NCAM2: variants seen among roughly 807,000 people sequenced by gnomAD.
NCAM2 encodes the protein N-CAM-2.
In NCAM2, 30 loss-of-function variants were observed where a neutral mutation model predicts 98.1. The ratio of observed to expected loss-of-function variants is 0.31; its 90% CI spans 0.23 to 0.41. NCAM2 has a LOEUF of 0.41. Ranked by LOEUF, NCAM2 falls within the 10% of genes least tolerant of loss-of-function variation. NCAM2 has a pLI of 1.00. For synonymous variants in NCAM2, 368 were observed against 342.4 expected (o/e 1.07, Z -0.83); for missense variants, 867 against 1,005.8 (o/e 0.86, Z 1.87).
At chr21:21,334,661 A>C (rs1052558197) in intron 6 of NCAM2, among the ~76,000 whole-genome samples, 10 of 152,086 alleles carry the variant, frequency 6.6e-5, no homozygotes. Context: ...AAAAAGATGA[A>C]TAAAATGAAA....
intron 5 of NCAM2, among the ~76,000 whole-genome samples, chr21:21,294,720 T>G (rs117282616): frequency 0.015 from 2,286 of 151,936 alleles, 35 homozygotes; most frequent in Non-Finnish European, 0.023. Context: ...CGCCTGTGCT[T>G]TTCTCTCACA....
intron 4 of NCAM2, among the ~76,000 whole-genome samples, chr21:21,291,883 A>G (rs1434904642): frequency 7.1e-6 from 1 of 140,058 alleles, no homozygotes; most frequent in Non-Finnish European, 1.5e-5. Context: ...AATGTATTTT[A>G]TTTTATTCTT....
chr21:21,448,131 C>A (rs926230674), intron 12 of NCAM2, among the ~76,000 whole-genome samples: 5 of 152,072 alleles, frequency 3.3e-5, no homozygotes, highest in Non-Finnish European at 7.4e-5. Context: ...ATAGCAAAGT[C>A]ACGGAGCCAA....
intron 16 of NCAM2, among the ~76,000 whole-genome samples, chr21:21,514,495 A>T (rs1988598494): frequency 7.7e-6 from 1 of 129,404 alleles, no homozygotes; most frequent in African/African-American, 2.8e-5. Context: ...AAAAAAAAAA[A>T]AATGTTTTCT....
intron 17 of NCAM2, among the ~76,000 whole-genome samples, chr21:21,536,172 T>C (rs984203366): frequency 6.6e-6 from 1 of 152,136 alleles, no homozygotes. Flanking sequence ...CAATGTTTTT[T>C]AATGTTTTTT....
chr21:21,021,246 T>C (rs1200956828), intron 1 of NCAM2, among the ~76,000 whole-genome samples: 3 of 152,198 alleles, frequency 2.0e-5, no homozygotes, highest in Admixed American at 6.5e-5. Flanking sequence ...GGGGTCCTTA[T>C]TAAGAAAACA....
At chr21:21,468,575 T>A in intron 13 of NCAM2, 87 bp from the exon 14 acceptor site, 1 of 1,306,716 alleles carries the variant, frequency 7.7e-7, no homozygotes, top group Non-Finnish European at 1.0e-6. Context: ...TATATTTTGA[T>A]TACATTACTG....
intron 9 of NCAM2, among the ~76,000 whole-genome samples, chr21:21,378,254 G>C (rs920714876): frequency 2.6e-5 from 4 of 151,818 alleles, no homozygotes; most frequent in African/African-American, 9.7e-5. Context: ...CTTTTTGGGA[G>C]GAACTTTTAT....
At chr21:21,247,562 C>T (rs2071325157) in intron 1 of NCAM2, among the ~76,000 whole-genome samples, 1 of 151,986 alleles carries the variant, frequency 6.6e-6, no homozygotes, top group African/African-American at 2.4e-5. Context: ...ATAATTTATG[C>T]TGAATTATTT....
At chr21:21,050,499 G>A (rs900563729) in intron 1 of NCAM2, among the ~76,000 whole-genome samples, 3 of 151,932 alleles carry the variant, frequency 2.0e-5, no homozygotes, top group African/African-American at 2.4e-5. Context: ...TCCTTCTTTC[G>A]TATTCCAACT....
chr21:21,037,905 C>T (rs1489518530), intron 1 of NCAM2, among the ~76,000 whole-genome samples: 1 of 152,166 alleles, frequency 6.6e-6, no homozygotes, highest in Non-Finnish European at 1.5e-5. Flanking sequence ...ACATTCTCTA[C>T]CTCACAAACA....
At chr21:21,531,817 A>G (rs1203573698) in intron 16 of NCAM2, among the ~76,000 whole-genome samples, 1 of 128,884 alleles carries the variant, frequency 7.8e-6, no homozygotes, top group African/African-American at 3.1e-5. Context: ...CGTCTCTACT[A>G]AAAAATACCA....
intron 15 of NCAM2, among the ~76,000 whole-genome samples, chr21:21,485,293 G>T (rs921412762): frequency 4.6e-5 from 7 of 152,058 alleles, no homozygotes; most frequent in African/African-American, 1.4e-4. Context: ...TGTCTAAAAA[G>T]TTACACCCAA....
At chr21:21,254,596 G>A (rs13048935) in intron 1 of NCAM2, among the ~76,000 whole-genome samples, 150,958 of 152,310 alleles carry the variant, frequency 0.99, 74,825 homozygotes, top group East Asian at 1. Flanking sequence ...ATAACAAGTC[G>A]TCTGGACCAT....
intron 1 of NCAM2, among the ~76,000 whole-genome samples, chr21:21,053,752 T>C (rs571477494): frequency 6.6e-6 from 1 of 151,570 alleles, no homozygotes; most frequent in South Asian, 2.1e-4. Flanking sequence ...TTATGGTAAA[T>C]TCATCTTTTA....
intron 1 of NCAM2, among the ~76,000 whole-genome samples, chr21:21,001,127 C>T (rs937403810): frequency 6.6e-6 from 1 of 152,124 alleles, no homozygotes; most frequent in Non-Finnish European, 1.5e-5. Flanking sequence ...GATGTATTCC[C>T]TTTTTAGGAG....
intron 1 of NCAM2, among the ~76,000 whole-genome samples, chr21:21,188,023 C>T (rs754427352): frequency 3.3e-5 from 5 of 152,160 alleles, no homozygotes; most frequent in Admixed American, 6.5e-5. Context: ...ATTTATTTGA[C>T]TACGTCTGAG....
intron 16 of NCAM2, among the ~76,000 whole-genome samples, chr21:21,510,766 T>C (rs1248721784): frequency 6.6e-6 from 1 of 152,024 alleles, no homozygotes; most frequent in Non-Finnish European, 1.5e-5. Flanking sequence ...TTTTGCTAAT[T>C]GTTTTAACAT....
At chr21:21,353,999 G>GT (rs1242075936) in intron 8 of NCAM2, among the ~76,000 whole-genome samples, 1 of 152,070 alleles carries the variant, frequency 6.6e-6, no homozygotes, top group African/African-American at 2.4e-5. Context: ...TTAAATTGAA[G>GT]TAAAAAGTTC....
Sources: allele counts gnomAD v4.1 joint callset (sites outside exome capture counted in the v4.1 genomes callset), GRCh38; gene constraint gnomAD v4.1.1; transcripts MANE v1.5; gene names NCBI Gene and HGNC (gene_info 2026-07-23, HGNC 2026-07-21).